Variants in ABCA13 observed in about 807,000 individuals in gnomAD.
ABCA13 encodes ATP-binding cassette sub-family A member 13.
In ABCA13, 476 loss-of-function variants were observed where a neutral mutation model predicts 478.7. The ratio of observed to expected loss-of-function variants is 0.99; its 90% CI spans 0.92 to 1.07. The LOEUF is 1.07. ABCA13 is among the 50% of genes least tolerant of loss of function. The pLI is 0.00. For missense variants in ABCA13, 6,060 were observed against 5,910.6 expected, an observed-to-expected ratio of 1.03 and a Z score of -0.83; for synonymous variants, 2,252 against 2,158.9, an observed-to-expected ratio of 1.04 and a Z score of -1.20.
At position 48,274,257 on chromosome 7, in the gene ABCA13, G is replaced by A. The variant is rs190625179; in HGVS notation, c.4591G>A (p.Glu1531Lys). The A allele has an allele frequency of 2.0e-3, 3,165 of 1,613,060 alleles. 11 individuals are homozygous for A. Among genetic ancestry groups the A allele is most frequent in the Non-Finnish European group, 2.5e-3 (2,940 of 1,179,578 alleles). ...TACTGAATTAATTCTAAGACCAATA[G>A]AAATGTCAGATGAAATTCCTAATCA... is the stretch of plus-strand genomic sequence containing the variant. ...YFTELILRPI[E>K]MSDEIPNQFQ... The change falls in exon 17 of 62, where the codon GAA becomes AAA. Residue 1531 changes from glutamate to lysine, a missense_variant. By Grantham distance (56) the Glu-to-Lys change is moderately conservative (BLOSUM62 1). Transcript: ENST00000435803.
chr7:48,582,015 C>T (rs1788752560), intron 56 of ABCA13, among the ~76,000 whole-genome samples: 1 of 152,146 alleles, frequency 6.6e-6, no homozygotes, highest in African/African-American at 2.4e-5. Flanking sequence ...ATTTATTCCA[C>T]ATCAGGTACT....
intron 3 of ABCA13, among the ~76,000 whole-genome samples, chr7:48,207,533 C>T (rs1785084151): frequency 6.6e-6 from 1 of 152,082 alleles, no homozygotes; most frequent in South Asian, 2.1e-4. Flanking sequence ...TTTGGATTTT[C>T]CCTTCTTGGA....
chr7:48,312,252 C>T (rs550592168), intron 24 of ABCA13, among the ~76,000 whole-genome samples: 2 of 152,258 alleles, frequency 1.3e-5, no homozygotes, highest in African/African-American at 4.8e-5. Flanking sequence ...ATTCAATATC[C>T]AAATGACAGA....
At chr7:48,538,026 T>G (rs543957941) in intron 55 of ABCA13, among the ~76,000 whole-genome samples, 1 of 149,688 alleles carries the variant, frequency 6.7e-6, no homozygotes, top group Non-Finnish European at 1.5e-5. Flanking sequence ...ATGATTTTAA[T>G]ATAGTATTTT....
At chr7:48,185,045 A>G (rs1406654290) in intron 1 of ABCA13, among the ~76,000 whole-genome samples, 1 of 145,880 alleles carries the variant, frequency 6.9e-6, no homozygotes, top group South Asian at 2.1e-4. Context: ...CATGTTGCCT[A>G]GGCTGAAAGT....
chr7:48,600,480 G>C (rs1217108617), intron 58 of ABCA13, among the ~76,000 whole-genome samples: 1 of 151,698 alleles, frequency 6.6e-6, no homozygotes, highest in East Asian at 1.9e-4. Flanking sequence ...AATGTCTCCT[G>C]TGTTTCTTGT....
Position 48,219,484 on chromosome 7 carries a change from G to T in ABCA13, c.418G>T (p.Val140Leu), listed in dbSNP as rs1331938147. Residue 140 changes from valine to leucine, a missense_variant, in exon 4 of 62, where the codon GTA (valine) becomes TTA (leucine). Physicochemically the swap from Val to Leu is conservative, Grantham distance 32 (BLOSUM62 1). This residue lies in a region of ABCA13 where 4,423 missense variants were observed against 4,309.1 expected (regional missense o/e 1.03). Coordinates refer to ENST00000435803, the MANE Select transcript of ABCA13 (RefSeq NM_152701.5). Reference protein sequence around the residue: ...DKAKNLKRLWVERSNTPDSSY... With the variant: ...DKAKNLKRLWLERSNTPDSSY... ...GGCAAAAAACTTAAAAAGACTTTGG[G>T]TAGAACGATCCAACACTCCAGGCAA... The T allele has an allele frequency of 6.2e-7, 1 of 1,612,268 alleles. No homozygotes were observed. Among genetic ancestry groups the T allele is most frequent in the Non-Finnish European group, 8.5e-7 (1 of 1,179,230 alleles).
At chr7:48,437,916 CA>C (rs2129157472) in intron 42 of ABCA13, among the ~76,000 whole-genome samples, 1 of 152,150 alleles carries the variant, frequency 6.6e-6, no homozygotes, top group African/African-American at 2.4e-5. Flanking sequence ...CTTAGTTTTT[CA>C]GAAAGTCTCA....
intron 28 of ABCA13, among the ~76,000 whole-genome samples, chr7:48,335,988 T>C (rs1022571296): frequency 2.0e-5 from 3 of 152,224 alleles, no homozygotes; most frequent in African/African-American, 7.2e-5. Context: ...CTAATAATTT[T>C]TTGGGCATTT....
rs112087311 is a variant in ABCA13 at position 48,501,623 on chromosome 7, T to C, written c.13292-4713T>C. ...GGTTCAGGTATTTGCACCAGTGGTT[T>C]TTTACTTCTAAGACCTAAGTAGAGA... On this transcript the variant is annotated intron_variant, in intron 48 of 61. Transcript: ENST00000435803. Among the ~76,000 whole-genome samples the C allele has an allele frequency of 6.6e-5, 10 of 152,214 alleles. 1 individual carries two copies. Among genetic ancestry groups the C allele is most frequent in the African/African-American group, 2.4e-4 (10 of 41,524 alleles).
intron 40 of ABCA13, 25 bp downstream of exon 40, chr7:48,410,702 C>A: frequency 1.3e-6 from 2 of 1,595,168 alleles, no homozygotes; most frequent in South Asian, 2.2e-5. Context: ...CATTCTATCT[C>A]ACTGAAGTCC....
chr7:48,487,421 C>T (rs1339668819), intron 47 of ABCA13, among the ~76,000 whole-genome samples: 1 of 151,846 alleles, frequency 6.6e-6, no homozygotes, highest in Non-Finnish European at 1.5e-5. Context: ...CCTGTCTTTC[C>T]AGCTCCATTC....
rs1786528638 is a variant in ABCA13 at position 48,562,115 on chromosome 7, G to C, written c.14355-18109G>C. On this transcript the variant is annotated intron_variant, in intron 55 of 61. Coordinates refer to ENST00000435803, the MANE Select transcript of ABCA13 (RefSeq NM_152701.5). ...CATATGCATATGTATGGGGGGGGAG[G>C]TGGATACAAAGTTTGCCTGCCTTTT... 3.3e-5 allele frequency among the ~76,000 whole-genome samples: 5 copies of C among 150,912 alleles called. No homozygotes were observed. In the South Asian group the frequency reaches 1.0e-3, roughly 32 times the overall value.
rs1829135856 is a variant in ABCA13 at position 48,484,899 on chromosome 7, A to G, written c.13182+1736A>G. 1.3e-5 allele frequency among the ~76,000 whole-genome samples: 2 copies of G among 152,182 alleles called. 1 individual carries two copies. Among genetic ancestry groups the G allele is most frequent in the Non-Finnish European group, 2.9e-5 (2 of 68,030 alleles). On this transcript the variant is annotated intron_variant, in intron 47 of 61. Coordinates refer to ENST00000435803, the MANE Select transcript of ABCA13 (RefSeq NM_152701.5). The stretch of plus-strand genomic sequence containing the variant: ...GGCTGATACTGCTTCAAATGATTGC[A>G]TTTATCTTTCTGTAATGACCGGCTT...
intron 3 of ABCA13, among the ~76,000 whole-genome samples, chr7:48,200,553 A>G (rs986585487): frequency 6.6e-6 from 1 of 152,240 alleles, no homozygotes; most frequent in African/African-American, 2.4e-5. Context: ...CCAGCATTGC[A>G]AAGCCTTTAA....
At chr7:48,538,149 G>A (rs532997427) in intron 55 of ABCA13, among the ~76,000 whole-genome samples, 294 of 134,740 alleles carry the variant, frequency 2.2e-3, no homozygotes, top group Middle Eastern at 0.01. Flanking sequence ...CACCCAGCCT[G>A]GAGTGCAGTG....
chr7:48,508,456 C>T (rs895626774), intron 50 of ABCA13, among the ~76,000 whole-genome samples: 3 of 152,162 alleles, frequency 2.0e-5, no homozygotes, highest in South Asian at 2.1e-4. Context: ...ATAGGTATGG[C>T]GGGTATTATT....
In ABCA13 at chr7:48,376,488, A is replaced by G; in HGVS notation, c.11251A>G (p.Thr3751Ala). The change falls in exon 35 of 62, where the codon ACA (threonine) becomes GCA (alanine). Residue 3751 changes from threonine to alanine, a missense_variant. Thr to Ala is a moderately conservative substitution (Grantham distance 58, BLOSUM62 0). Transcript: ENST00000435803. Reference sequence around the variant, plus strand: ...CCAGGCTCTGGAACAAGGGGGCATGACATTTGGCTGGGTTTGCTGGATGAT... The same window carrying G: ...CCAGGCTCTGGAACAAGGGGGCATGGCATTTGGCTGGGTTTGCTGGATGAT... ...MYQALEQGGM[T>A]FGWVCWMILF... 1 of 1,613,934 alleles carries G rather than the reference A, an allele frequency of 6.2e-7. No individual in the cohort carries two copies. Among genetic ancestry groups the G allele is most frequent in the Admixed American group, 1.7e-5 (1 of 60,026 alleles).
At chr7:48,180,636 A>C (rs570219726) in intron 1 of ABCA13, among the ~76,000 whole-genome samples, 40 of 151,946 alleles carry the variant, frequency 2.6e-4, no homozygotes, top group Non-Finnish European at 5.0e-4. Flanking sequence ...CCTGTTGGCC[A>C]GGCTGGTCTC....
Sources: gnomAD v4.1 joint callset for allele counts (sites outside exome capture counted in the v4.1 genomes callset) on GRCh38, gnomAD v4.1.1 for gene constraint, gnomAD v4.1.1 regional missense constraint, MANE v1.5 for transcripts, NCBI Gene and HGNC (gene_info 2026-07-23, HGNC 2026-07-21) for gene names.